TMTC1: variants seen among roughly 807,000 people sequenced by gnomAD.
TMTC1 encodes transmembrane O-mannosyltransferase targeting cadherins 1.
Under a neutral mutation model 104.8 loss-of-function variants are expected in TMTC1, and 73 were observed. The observed-to-expected ratio is 0.70, with a 90% CI of 0.58 to 0.85. The LOEUF is 0.85. Among genes scored for constraint, TMTC1 ranks in the 40% least tolerant of loss-of-function variants. The probability of loss-of-function intolerance (pLI) is 0.00; values close to 1 mark genes in which losing one functional copy is unlikely to be tolerated. For synonymous variants in TMTC1, 434 were observed against 428.7 expected (o/e 1.01, Z -0.15); for missense variants, 1,035 against 1,096.1 (o/e 0.94, Z 0.79).
chr12:29,528,011 G>A (rs1262644787), intron 11 of TMTC1, among the ~76,000 whole-genome samples: 1 of 152,048 alleles, frequency 6.6e-6, no homozygotes, highest in Non-Finnish European at 1.5e-5. Flanking sequence ...CATTTCACTT[G>A]ATTGTCAATT....
chr12:29,736,253 G>C (rs1942669836), intron 5 of TMTC1, among the ~76,000 whole-genome samples: 1 of 120,994 alleles, frequency 8.3e-6, no homozygotes, highest in African/African-American at 3.4e-5. Context: ...TCACTCCTTA[G>C]GTAAAGCCAA....
chr12:29,716,192 A>G (rs1321999519), intron 5 of TMTC1, among the ~76,000 whole-genome samples: 1 of 151,798 alleles, frequency 6.6e-6, no homozygotes, highest in African/African-American at 2.4e-5. Flanking sequence ...CTAATTTTTA[A>G]AGATTGTTTT....
At position 29,514,932 on chromosome 12, in the gene TMTC1, T is replaced by C. The variant is rs182198114; in HGVS notation, c.2308-328A>G. 2.8e-3 allele frequency among the ~76,000 whole-genome samples: 420 copies of C among 152,218 alleles called. 9 individuals carry two copies. Among genetic ancestry groups the C allele is most frequent in the East Asian group, 6.8e-3 (35 of 5,172 alleles). ...GGGGGGCTGAGATGGGAGGATCTCTTGAGCCCTGGGAGGTGGACCTTGTAG... is the reference window on the plus strand; with the variant it reads ...GGGGGGCTGAGATGGGAGGATCTCTCGAGCCCTGGGAGGTGGACCTTGTAG... On this transcript the variant is annotated intron_variant, in intron 15 of 17. Transcript: ENST00000539277.
intron 5 of TMTC1, among the ~76,000 whole-genome samples, chr12:29,671,270 A>G (rs1269401049): frequency 1.3e-5 from 2 of 151,506 alleles, no homozygotes; most frequent in African/African-American, 4.9e-5. Flanking sequence ...ACTGCACTCC[A>G]GCCTGGGCGA....
At chr12:29,643,764 C>T (rs796775057) in intron 5 of TMTC1, among the ~76,000 whole-genome samples, 1,241 of 4,540 alleles carry the variant, frequency 0.27, 281 homozygotes, top group Non-Finnish European at 0.3. Flanking sequence ...ATTTATAATA[C>T]ACATATATTT....
intron 11 of TMTC1, among the ~76,000 whole-genome samples, chr12:29,523,242 C>T (rs1944234877): frequency 1.3e-5 from 2 of 152,202 alleles, no homozygotes; most frequent in South Asian, 2.1e-4. Flanking sequence ...AAAGAGTTCA[C>T]AGATTGGGCA....
At chr12:29,727,622 C>T (rs866198732) in intron 5 of TMTC1, among the ~76,000 whole-genome samples, 2 of 152,000 alleles carry the variant, frequency 1.3e-5, no homozygotes, top group African/African-American at 2.4e-5. Flanking sequence ...GTGATCTGCC[C>T]GCCTCAGCCT....
chr12:29,576,349 C>T (rs11050299), intron 8 of TMTC1, among the ~76,000 whole-genome samples: 28,608 of 151,976 alleles, frequency 0.19, 3,141 homozygotes, highest in East Asian at 0.38. Flanking sequence ...GGAGCTTTCC[C>T]CTTATTCACA....
intron 5 of TMTC1, among the ~76,000 whole-genome samples, chr12:29,737,314 T>C (rs1942704676): frequency 6.6e-6 from 1 of 152,132 alleles, no homozygotes; most frequent in Admixed American, 6.5e-5. Flanking sequence ...AGGTCCGGAA[T>C]TCAAGACCAG....
At chr12:29,701,599 C>T (rs932929001) in intron 5 of TMTC1, among the ~76,000 whole-genome samples, 1 of 152,236 alleles carries the variant, frequency 6.6e-6, no homozygotes, top group African/African-American at 2.4e-5. Flanking sequence ...TCCTCACTAG[C>T]TTTCCCCTAG....
At chr12:29,609,295 C>G (rs940348977) in intron 6 of TMTC1, among the ~76,000 whole-genome samples, 3 of 152,174 alleles carry the variant, frequency 2.0e-5, no homozygotes, top group African/African-American at 7.2e-5. Context: ...AAGCTGATGA[C>G]AGTAAAGCTC....
At chr12:29,566,635 A>G (rs988794417) in intron 9 of TMTC1, among the ~76,000 whole-genome samples, 2 of 152,180 alleles carry the variant, frequency 1.3e-5, no homozygotes, top group Non-Finnish European at 2.9e-5. Context: ...GCTGCGGTCT[A>G]GCTGAGAGGT....
intron 6 of TMTC1, among the ~76,000 whole-genome samples, chr12:29,619,227 G>A (rs527377564): frequency 5.3e-5 from 8 of 152,200 alleles, no homozygotes; most frequent in Non-Finnish European, 1.0e-4. Flanking sequence ...ATTAAATAGT[G>A]TGACTTGTAA....
At chr12:29,721,031 A>G (rs971968698) in intron 5 of TMTC1, among the ~76,000 whole-genome samples, 4 of 152,186 alleles carry the variant, frequency 2.6e-5, no homozygotes, top group South Asian at 4.1e-4. Context: ...GTCAAATCAG[A>G]AATACATCCC....
At chr12:29,517,383 C>T (rs764104844) in intron 14 of TMTC1, 44 bp downstream of exon 14, 3 of 1,611,172 alleles carry the variant, frequency 1.9e-6, no homozygotes, top group Middle Eastern at 1.8e-4. Flanking sequence ...TCTATGGCTG[C>T]CTGTGCTTAG....
rs182605006 is a variant in TMTC1 at position 29,764,477 on chromosome 12, C to T, written c.480+3421G>A. The stretch of plus-strand genomic sequence containing the variant: ...AAGCTATGATCATGCCATTGCATCC[C>T]AGTCTGGGCTACAGGGTCAGACCCT... On this transcript the variant is annotated intron_variant, in intron 2 of 17. Coordinates refer to ENST00000539277, the MANE Select transcript of TMTC1 (RefSeq NM_001193451.2). Among the ~76,000 whole-genome samples the T allele has an allele frequency of 4.9e-3, 740 of 152,202 alleles. 8 individuals are homozygous for T. The highest frequency in any genetic ancestry group is 0.017 in the African/African-American group (702 of 41,526).
intron 7 of TMTC1, among the ~76,000 whole-genome samples, chr12:29,597,267 G>A (rs545675944): frequency 7.4e-6 from 1 of 134,734 alleles, no homozygotes; most frequent in East Asian, 2.1e-4. Flanking sequence ...TTGAGATAAG[G>A]TATCACTATA....
intron 7 of TMTC1, among the ~76,000 whole-genome samples, chr12:29,587,755 G>C (rs1946178232): frequency 6.6e-6 from 1 of 152,104 alleles, no homozygotes; most frequent in South Asian, 2.1e-4. Flanking sequence ...CCATATACTT[G>C]TTCTCTTTTT....
chr12:29,617,844 T>C (rs1376578386), intron 6 of TMTC1, among the ~76,000 whole-genome samples: 1 of 152,150 alleles, frequency 6.6e-6, no homozygotes, highest in Non-Finnish European at 1.5e-5. Flanking sequence ...ATGTAGAACC[T>C]GTCAGGCCAT....
Sources: gnomAD v4.1 joint callset for allele counts (sites outside exome capture counted in the v4.1 genomes callset) on GRCh38, gnomAD v4.1.1 for gene constraint, MANE v1.5 for transcripts, NCBI Gene and HGNC (gene_info 2026-07-23, HGNC 2026-07-21) for gene names.